Variants in KCNIP4 observed in about 807,000 individuals in gnomAD.
KCNIP4 encodes Kv channel-interacting protein 4.
In KCNIP4, 12 loss-of-function variants were observed where a neutral mutation model predicts 34.0. That is an observed-to-expected ratio of 0.35 (90% CI 0.23 to 0.57). The LOEUF (loss-of-function observed/expected upper bound fraction) is 0.57. Ranked by LOEUF, KCNIP4 falls within the 20% of genes least tolerant of loss-of-function variation. KCNIP4 has a pLI of 0.83. For missense variants in KCNIP4, 238 were observed against 311.7 expected (o/e 0.76, Z 1.78); for synonymous variants, 124 against 102.2 (o/e 1.21, Z -1.29).
chr4:21,318,449 A>G (rs1714021572), intron 1 of KCNIP4, among the ~76,000 whole-genome samples: 2 of 152,218 alleles, frequency 1.3e-5, no homozygotes, highest in South Asian at 4.1e-4. Flanking sequence ...TGGAAAAGGT[A>G]TCATAGATTC....
intron 1 of KCNIP4, among the ~76,000 whole-genome samples, chr4:21,204,247 A>G (rs11939069): frequency 0.096 from 14,560 of 152,080 alleles, 2,237 homozygotes; most frequent in African/African-American, 0.33. Flanking sequence ...GAAAGGATTG[A>G]ATCTGATGAC....
intron 1 of KCNIP4, among the ~76,000 whole-genome samples, chr4:21,630,482 AG>A (rs1745681865): frequency 1.3e-5 from 2 of 151,396 alleles, no homozygotes; most frequent in African/African-American, 4.8e-5. Context: ...AAAATCCTTC[AG>A]AATCCCATTT....
chr4:21,064,641 T>C (rs1285979491), intron 1 of KCNIP4, among the ~76,000 whole-genome samples: 1 of 152,098 alleles, frequency 6.6e-6, no homozygotes, highest in East Asian at 1.9e-4. Context: ...AGAACTTATA[T>C]AGAAGGGAAA....
At chr4:21,575,607 C>A (rs1740693105) in intron 1 of KCNIP4, among the ~76,000 whole-genome samples, 1 of 152,026 alleles carries the variant, frequency 6.6e-6, no homozygotes, top group African/African-American at 2.4e-5. Flanking sequence ...CTGTTATCTG[C>A]ATAATTTGTC....
At chr4:21,025,863 GT>G (rs1395398865) in intron 1 of KCNIP4, among the ~76,000 whole-genome samples, 1 of 151,920 alleles carries the variant, frequency 6.6e-6, no homozygotes, top group African/African-American at 2.4e-5. Context: ...CCTGATACTG[GT>G]TTTTAAAATT....
At chr4:20,904,319 ATG>A (rs200655654) in intron 1 of KCNIP4, among the ~76,000 whole-genome samples, 240 of 145,868 alleles carry the variant, frequency 1.6e-3, no homozygotes, top group Middle Eastern at 0.011. Context: ...ATATATATGT[ATG>A]TGTGTGTGTG....
At chr4:21,338,771 G>A (rs996996548) in intron 1 of KCNIP4, among the ~76,000 whole-genome samples, 12 of 151,644 alleles carry the variant, frequency 7.9e-5, no homozygotes, top group East Asian at 7.7e-4. Flanking sequence ...TTAATCCTTC[G>A]TGGCCCAGAT....
At chr4:20,736,421 C>T (rs1029976898) in intron 5 of KCNIP4, among the ~76,000 whole-genome samples, 1 of 151,916 alleles carries the variant, frequency 6.6e-6, no homozygotes, top group Admixed American at 6.6e-5. Flanking sequence ...ATATTCTAAA[C>T]TAGTTGTTTG....
intron 3 of KCNIP4, among the ~76,000 whole-genome samples, chr4:20,806,504 A>AT (rs553114725): frequency 1.2e-4 from 18 of 149,972 alleles, no homozygotes; most frequent in Admixed American, 3.3e-4. Context: ...TGACCTTCTT[A>AT]TTTTTTTTTA....
intron 1 of KCNIP4, among the ~76,000 whole-genome samples, chr4:21,778,132 G>A (rs999444287): frequency 1.3e-5 from 2 of 151,562 alleles, no homozygotes; most frequent in Non-Finnish European, 2.9e-5. Context: ...ATAAATTGGT[G>A]CATAATTTTC....
chr4:21,452,673 A>T lies in KCNIP4; in HGVS notation c.61+495898T>A, dbSNP rs28711845. ...CATGGCTAAAATTATCATCACCATT[A>T]TTAGTAGTACTATTATACTATTATT... is the stretch of plus-strand genomic sequence containing the variant. On this transcript the variant is annotated intron_variant, in intron 1 of 8. Transcript: ENST00000382152. Among the ~76,000 whole-genome samples the T allele has an allele frequency of 2.6e-5, 4 of 152,018 alleles. 1 individual carries two copies. In the East Asian group the frequency reaches 7.8e-4, roughly 30 times the overall value.
chr4:21,615,329 A>C (rs1038712836), intron 1 of KCNIP4, among the ~76,000 whole-genome samples: 1 of 151,772 alleles, frequency 6.6e-6, no homozygotes, highest in African/African-American at 2.4e-5. Context: ...TCACGAGGTC[A>C]GAAGATCGAG....
At chr4:20,946,970 T>C (rs1304141070) in intron 1 of KCNIP4, among the ~76,000 whole-genome samples, 1 of 152,164 alleles carries the variant, frequency 6.6e-6, no homozygotes, top group Non-Finnish European at 1.5e-5. Context: ...CCTATATGTA[T>C]TTTTAGTATA....
chr4:21,809,261 AGC>A (rs1242026020), intron 1 of KCNIP4, among the ~76,000 whole-genome samples: 1 of 152,140 alleles, frequency 6.6e-6, no homozygotes, highest in Non-Finnish European at 1.5e-5. Flanking sequence ...TTCTATCTTG[AGC>A]TGAGACATCC....
chr4:21,856,635 C>T (rs1724777070), intron 1 of KCNIP4, among the ~76,000 whole-genome samples: 1 of 152,118 alleles, frequency 6.6e-6, no homozygotes, highest in African/African-American at 2.4e-5. Flanking sequence ...GCAGGAGCCC[C>T]ACCTTCCCGG....
intron 1 of KCNIP4, among the ~76,000 whole-genome samples, chr4:21,643,203 C>A (rs767922579): frequency 6.6e-6 from 1 of 152,116 alleles, no homozygotes; most frequent in African/African-American, 2.4e-5. Flanking sequence ...CTCTTTTCCC[C>A]TTACCATATA....
At chr4:21,400,121 A>C (rs9992212) in intron 1 of KCNIP4, among the ~76,000 whole-genome samples, 26,917 of 152,144 alleles carry the variant, frequency 0.18, 4,458 homozygotes, top group African/African-American at 0.42. Context: ...AAAGAGGTAG[A>C]AACAGCCTCT....
At chr4:21,697,683 CA>C in intron 1 of KCNIP4, 2 of 1,257,606 alleles carry the variant, frequency 1.6e-6, no homozygotes, top group Middle Eastern at 3.0e-4. Flanking sequence ...GTGTGGTGAC[CA>C]AGTTCTTCTG....
intron 3 of KCNIP4, among the ~76,000 whole-genome samples, chr4:20,815,468 G>C: frequency 6.6e-6 from 1 of 152,022 alleles, no homozygotes; most frequent in East Asian, 1.9e-4. Context: ...TAAACTCAGT[G>C]ACCCAGGAAA....
Sources: allele counts gnomAD v4.1 joint callset (sites outside exome capture counted in the v4.1 genomes callset), GRCh38; gene constraint gnomAD v4.1.1; transcripts MANE v1.5; gene names NCBI Gene and HGNC (gene_info 2026-07-23, HGNC 2026-07-21).